Variants in ALMS1 observed in about 807,000 individuals in gnomAD.
ALMS1 encodes ALMS1 centrosome and basal body associated protein.
ALMS1 carries 271 observed loss-of-function variants against 352.2 expected under a neutral mutation model. That is an observed-to-expected ratio of 0.77 (90% CI 0.70 to 0.85). The LOEUF is 0.85. Among genes scored for constraint, ALMS1 ranks in the 40% least tolerant of loss-of-function variants. The pLI is 0.00. For missense variants in ALMS1, 5,445 were observed against 4,870.7 expected (o/e 1.12, Z -3.51); for synonymous variants, 1,865 against 1,761.2 (o/e 1.06, Z -1.48).
chr2:73,449,927 A>G lies in ALMS1; in HGVS notation c.3400A>G (p.Thr1134Ala). 1 of 1,613,974 alleles carries G rather than the reference A, an allele frequency of 6.2e-7. No individual in the cohort carries two copies. Among genetic ancestry groups the G allele is most frequent in the East Asian group, 2.2e-5 (1 of 44,878 alleles). ...SVAPGLADQKTGTPTVTSTSY... is the reference protein window; with the variant it reads ...SVAPGLADQKAGTPTVTSTSY... ...AGCTCCTGGACTAGCAGACCAGAAG[A>G]CTGGCACACCAACTGTAACCTCAAC... The change falls in exon 8 of 23, where the codon ACT becomes GCT. Residue 1134 changes from threonine to alanine, a missense_variant. Thr to Ala is a moderately conservative substitution (Grantham distance 58, BLOSUM62 0). Transcript: ENST00000613296.
chr2:73,530,405 C>A (rs763151765), intron 11 of ALMS1, among the ~76,000 whole-genome samples: 1 of 152,238 alleles, frequency 6.6e-6, no homozygotes, highest in Non-Finnish European at 1.5e-5. Flanking sequence ...TCCTTTGACT[C>A]CATGTCATAC....
chr2:73,395,044 G>GTATATATATGTGTGTGTA (rs1670728237), intron 1 of ALMS1, among the ~76,000 whole-genome samples: 1 of 95,230 alleles, frequency 1.1e-5, no homozygotes, highest in African/African-American at 5.1e-5. Flanking sequence ...ATATGTGTGT[G>GTATATATATGTGTGTGTA]TATATATATA....
At chr2:73,553,159 A>G (rs902150020) in intron 13 of ALMS1, among the ~76,000 whole-genome samples, 3 of 152,236 alleles carry the variant, frequency 2.0e-5, no homozygotes, top group Admixed American at 2.0e-4. Flanking sequence ...GAAAACATAC[A>G]TTCCATATAA....
chr2:73,418,872 A>G (rs1029838582), intron 2 of ALMS1, among the ~76,000 whole-genome samples: 1 of 152,192 alleles, frequency 6.6e-6, no homozygotes, highest in Non-Finnish European at 1.5e-5. Flanking sequence ...TTTTATATAC[A>G]CTGGCAGCGG....
chr2:73,468,526 T>C (rs117136761), intron 9 of ALMS1, among the ~76,000 whole-genome samples: 1 of 152,154 alleles, frequency 6.6e-6, no homozygotes, highest in East Asian at 1.9e-4. Flanking sequence ...CTTATACCCA[T>C]TAAATAATAA....
intron 10 of ALMS1, among the ~76,000 whole-genome samples, chr2:73,503,408 T>A (rs527292990): frequency 2.2e-3 from 333 of 152,298 alleles, no homozygotes; most frequent in Non-Finnish European, 3.6e-3. Context: ...TTTATCCATG[T>A]CCCTACAAAG....
At chr2:73,410,405 C>T (rs1671052857) in intron 2 of ALMS1, among the ~76,000 whole-genome samples, 1 of 151,796 alleles carries the variant, frequency 6.6e-6, no homozygotes, top group Non-Finnish European at 1.5e-5. Flanking sequence ...AGCAAAAAAA[C>T]CCAAGAAAAC....
intron 10 of ALMS1, among the ~76,000 whole-genome samples, chr2:73,493,924 A>G (rs1292841191): frequency 6.6e-6 from 1 of 152,226 alleles, no homozygotes; most frequent in Non-Finnish European, 1.5e-5. Flanking sequence ...TATGTAGGTC[A>G]GAAATCTAAA....
Position 73,453,246 on chromosome 2 carries a change from GT to G in ALMS1, c.6723del (p.Phe2241LeufsTer26), listed in dbSNP as rs2103791209. On this transcript the variant is annotated frameshift_variant, in exon 8 of 23. Coordinates refer to ENST00000613296, the MANE Select transcript of ALMS1 (RefSeq NM_001378454.1). LOFTEE classifies it high-confidence loss of function. ...GTAATAAATAAACCAGAATCTGCAG[GT>G]TTTAGAGATGTTGGCTCTGAAGAAA... ...RVVINKPESAGFRDVGSEEIQ... is the reference protein window; with the variant it reads ...RVVINKPESAXFRDVGSEEIQ... 2 of 1,613,956 alleles carry G rather than the reference GT, an allele frequency of 1.2e-6. No individual in the cohort carries two copies. Among genetic ancestry groups the G allele is most frequent in the East Asian group, 4.5e-5 (2 of 44,872 alleles).
chr2:73,460,621 A>G (rs1672170758), intron 9 of ALMS1, among the ~76,000 whole-genome samples: 1 of 152,216 alleles, frequency 6.6e-6, no homozygotes, highest in African/African-American at 2.4e-5. Context: ...CACCATTCAC[A>G]AGCCGAAGCA....
chr2:73,440,582 C>T (rs2103754860), intron 7 of ALMS1, among the ~76,000 whole-genome samples: 1 of 151,680 alleles, frequency 6.6e-6, no homozygotes, highest in Non-Finnish European at 1.5e-5. Context: ...TGCTACCACG[C>T]CCAGCTAATT....
intron 6 of ALMS1, 40 bp downstream of exon 6, chr2:73,426,593 T>G (rs775867392): frequency 4.5e-6 from 7 of 1,568,028 alleles, no homozygotes; most frequent in Non-Finnish European, 5.3e-6. Flanking sequence ...AAACGTGGCC[T>G]TTTTCAGTAT....
At position 73,556,921 on chromosome 2, in the gene ALMS1, C is replaced by T. The variant is rs201640982; in HGVS notation, c.10079-299C>T. On this transcript the variant is annotated intron_variant, in intron 13 of 22. Transcript: ENST00000613296. The stretch of plus-strand genomic sequence containing the variant: ...TTCACCGTGTTGGCCAGGCTGGTCT[C>T]GAACTCCTGACCCCAAGTGATCCAC... Among the ~76,000 whole-genome samples the T allele has an allele frequency of 4.6e-5, 7 of 152,042 alleles. No homozygotes were observed. The East Asian group carries it at 1.4e-3, about 29-fold the overall frequency.
At chr2:73,399,978 C>T (rs1355607111) in intron 1 of ALMS1, among the ~76,000 whole-genome samples, 1 of 145,742 alleles carries the variant, frequency 6.9e-6, no homozygotes, top group Non-Finnish European at 1.5e-5. Context: ...GGCGTTGTCA[C>T]CCAGGCTAGA....
At chr2:73,557,783 A>G (rs1674576232) in intron 14 of ALMS1, among the ~76,000 whole-genome samples, 1 of 152,232 alleles carries the variant, frequency 6.6e-6, no homozygotes, top group Non-Finnish European at 1.5e-5. Context: ...GCTGATTTAA[A>G]TAACCCTAAT....
intron 10 of ALMS1, among the ~76,000 whole-genome samples, chr2:73,501,943 C>G (rs369342619): frequency 1.3e-5 from 2 of 151,964 alleles, no homozygotes; most frequent in East Asian, 1.9e-4. Context: ...TTAATGTCCC[C>G]CGGTGACATA....
At chr2:73,468,745 A>G (rs1672409061) in intron 9 of ALMS1, among the ~76,000 whole-genome samples, 1 of 152,042 alleles carries the variant, frequency 6.6e-6, no homozygotes, top group South Asian at 2.1e-4. Flanking sequence ...TAGACAGTAT[A>G]TAGTTGGATC....
At chr2:73,496,906 C>T (rs1357194747) in intron 10 of ALMS1, among the ~76,000 whole-genome samples, 1 of 152,054 alleles carries the variant, frequency 6.6e-6, no homozygotes, top group Non-Finnish European at 1.5e-5. Context: ...GGGTTGTTTG[C>T]TTTCTTATTG....
At chr2:73,608,884 C>T (rs938848100) in intron 22 of ALMS1, among the ~76,000 whole-genome samples, 2 of 152,224 alleles carry the variant, frequency 1.3e-5, no homozygotes, top group African/African-American at 4.8e-5. Context: ...GGTTTCCATT[C>T]CAGAGTCCCA....
Sources: allele counts gnomAD v4.1 joint callset (sites outside exome capture counted in the v4.1 genomes callset), GRCh38; gene constraint gnomAD v4.1.1; transcripts MANE v1.5; gene names NCBI Gene and HGNC (gene_info 2026-07-23, HGNC 2026-07-21).